ITPR2: variants seen among roughly 807,000 people sequenced by gnomAD.
ITPR2 encodes inositol 1,4,5-trisphosphate-gated calcium channel ITPR2.
A neutral mutation model predicts 317.1 loss-of-function variants in ITPR2; 207 were observed. That is an observed-to-expected ratio of 0.65 (90% CI 0.58 to 0.73). The LOEUF (loss-of-function observed/expected upper bound fraction) is 0.73, where lower values mean the gene tolerates loss of function less well. ITPR2 is among the 30% of genes least tolerant of loss of function. The probability of loss-of-function intolerance (pLI) is 0.00; values close to 1 mark genes in which losing one functional copy is unlikely to be tolerated. For missense variants in ITPR2, 2,613 were observed against 3,284.0 expected (o/e 0.80, Z 4.99); for synonymous variants, 1,156 against 1,149.1 (o/e 1.01, Z -0.12).
chr12:26,393,990 T>C (rs189209734), intron 54 of ITPR2, among the ~76,000 whole-genome samples: 3 of 151,064 alleles, frequency 2.0e-5, no homozygotes, highest in East Asian at 1.9e-4. Context: ...TATTCACCAA[T>C]GCACATTATG....
chr12:26,339,868 T>G (rs1418706104), intron 56 of ITPR2, among the ~76,000 whole-genome samples: 2 of 152,220 alleles, frequency 1.3e-5, no homozygotes, highest in South Asian at 2.1e-4. Flanking sequence ...ATGGGCTTAG[T>G]AATTACTATC....
intron 2 of ITPR2, among the ~76,000 whole-genome samples, chr12:26,785,251 G>A (rs1253201452): frequency 2.7e-5 from 1 of 36,842 alleles, no homozygotes. Flanking sequence ...CCCCTACTGG[G>A]AAGTGAGGAG....
chr12:26,635,459 C>T (rs1213249733), intron 21 of ITPR2, among the ~76,000 whole-genome samples: 1 of 152,144 alleles, frequency 6.6e-6, no homozygotes, highest in Non-Finnish European at 1.5e-5. Flanking sequence ...ACATTCTCAG[C>T]ATTTATAAGA....
chr12:26,556,768 A>G (rs1333798219), intron 35 of ITPR2, among the ~76,000 whole-genome samples: 3 of 107,212 alleles, frequency 2.8e-5, no homozygotes, highest in Non-Finnish European at 6.0e-5. Context: ...CCCAGGGAAC[A>G]GCTTAAAAAA....
intron 45 of ITPR2, among the ~76,000 whole-genome samples, chr12:26,458,643 G>A (rs1436791818): frequency 6.6e-6 from 1 of 152,170 alleles, no homozygotes; most frequent in Non-Finnish European, 1.5e-5. Flanking sequence ...AATAAAATGA[G>A]GGGTGACGGA....
At chr12:26,780,366 A>G (rs1231125229) in intron 2 of ITPR2, among the ~76,000 whole-genome samples, 1 of 152,188 alleles carries the variant, frequency 6.6e-6, no homozygotes, top group Non-Finnish European at 1.5e-5. Context: ...GGGTTTGCCT[A>G]TCCTGCACGC....
intron 1 of ITPR2, among the ~76,000 whole-genome samples, chr12:26,805,544 A>G (rs1291841510): frequency 6.6e-6 from 1 of 152,124 alleles, no homozygotes; most frequent in Non-Finnish European, 1.5e-5. Context: ...AAATGTATTC[A>G]TTCCACAAAT....
At chr12:26,478,208 G>T (rs772391448) in intron 43 of ITPR2, among the ~76,000 whole-genome samples, 1 of 152,134 alleles carries the variant, frequency 6.6e-6, no homozygotes, top group Non-Finnish European at 1.5e-5. Flanking sequence ...CAATAATAGT[G>T]ACGATGATGA....
chr12:26,606,220 G>A (rs1238531079), intron 26 of ITPR2, among the ~76,000 whole-genome samples: 2 of 151,026 alleles, frequency 1.3e-5, no homozygotes, highest in East Asian at 3.9e-4. Flanking sequence ...ACTTAGAACA[G>A]TAAAAGGCTC....
At chr12:26,513,801 G>C (rs55647086) in intron 37 of ITPR2, among the ~76,000 whole-genome samples, 8 of 150,386 alleles carry the variant, frequency 5.3e-5, no homozygotes, top group African/African-American at 2.0e-4. Flanking sequence ...TTTTTCCCCC[G>C]CCGTGGTAGT....
chr12:26,639,530 T>C (rs1376485234), intron 21 of ITPR2, among the ~76,000 whole-genome samples: 2 of 151,964 alleles, frequency 1.3e-5, no homozygotes, highest in African/African-American at 4.8e-5. Context: ...GCTGGTTAGT[T>C]ACATATGTAT....
intron 55 of ITPR2, among the ~76,000 whole-genome samples, chr12:26,383,640 C>T (rs1283807560): frequency 1.0e-4 from 15 of 147,650 alleles, no homozygotes; most frequent in African/African-American, 2.5e-4. Context: ...CCCACCACCA[C>T]GCCTGGCTAA....
intron 13 of ITPR2, among the ~76,000 whole-genome samples, chr12:26,667,495 G>A (rs183538010): frequency 2.8e-4 from 42 of 152,284 alleles, no homozygotes; most frequent in African/African-American, 1.0e-3. Flanking sequence ...ACATAGTTAC[G>A]TGTAATCTCT....
intron 37 of ITPR2, among the ~76,000 whole-genome samples, chr12:26,548,107 A>G (rs145087545): frequency 3.6e-4 from 55 of 152,336 alleles, no homozygotes; most frequent in Middle Eastern, 6.8e-3. Flanking sequence ...GATACAGCCT[A>G]AAGTGTCCTA....
chr12:26,536,797 G>A (rs1008025056), intron 37 of ITPR2, among the ~76,000 whole-genome samples: 1 of 152,226 alleles, frequency 6.6e-6, no homozygotes, highest in Admixed American at 6.5e-5. Flanking sequence ...CAAGATCAAG[G>A]TTCCAAAGTC....
intron 32 of ITPR2, among the ~76,000 whole-genome samples, chr12:26,588,395 C>T (rs1257450656): frequency 6.6e-6 from 1 of 152,076 alleles, no homozygotes; most frequent in African/African-American, 2.4e-5. Context: ...AGGGAAGAAG[C>T]CTTGTATAAG....
Position 26,656,389 on chromosome 12 carries a change from G to A in ITPR2, c.2352C>T (p.His784=). The A allele has an allele frequency of 6.2e-7, 1 of 1,614,190 alleles. No individual in the cohort carries two copies. The highest frequency in any genetic ancestry group is 8.5e-7 in the Non-Finnish European group (1 of 1,180,034). The change falls in exon 19 of 57, where the codon CAC becomes CAT. Residue 784 remains histidine, a synonymous_variant. Transcript: ENST00000381340. ...CCTGGGGATCCCGGTCAACGTGCAT[G>A]TGGAGCATGAGGCGACAGAAGGACG... ...LRASFCRLML[H]MHVDRDPQES...
At chr12:26,595,386 G>A in intron 32 of ITPR2, 79 bp downstream of exon 32, 1 of 1,360,166 alleles carries the variant, frequency 7.4e-7, no homozygotes, top group Non-Finnish European at 1.0e-6. Context: ...GAATTTAACT[G>A]CAAGTTTTCA....
chr12:26,422,213 ATTAG>A (rs1379737740), intron 49 of ITPR2, among the ~76,000 whole-genome samples: 12 of 150,324 alleles, frequency 8.0e-5, no homozygotes, highest in South Asian at 4.2e-4. Context: ...AATTTAACTA[ATTAG>A]TTAAACTATG....
Sources: gnomAD v4.1 joint callset for allele counts (sites outside exome capture counted in the v4.1 genomes callset) on GRCh38, gnomAD v4.1.1 for gene constraint, MANE v1.5 for transcripts, NCBI Gene and HGNC (gene_info 2026-07-23, HGNC 2026-07-21) for gene names.